The following AKAP9 variants were observed in gnomAD, a reference collection of about 807,000 sequenced individuals.
AKAP9 encodes the protein A-kinase anchoring protein 9.
A neutral mutation model predicts 488.5 loss-of-function variants in AKAP9; 311 were observed. The ratio of observed to expected loss-of-function variants is 0.64; its 90% CI spans 0.58 to 0.70. The LOEUF is 0.70. Among genes scored for constraint, AKAP9 ranks in the 30% least tolerant of loss-of-function variants. The pLI is 0.00. For synonymous variants in AKAP9, 1,462 were observed against 1,483.5 expected (o/e 0.99, Z 0.33); for missense variants, 4,215 against 4,374.5 (o/e 0.96, Z 1.03).
At chr7:92,013,886 A>G (rs1411305932) in intron 9 of AKAP9, among the ~76,000 whole-genome samples, 1 of 151,900 alleles carries the variant, frequency 6.6e-6, no homozygotes, top group Non-Finnish European at 1.5e-5. Flanking sequence ...TTTAAAAAAA[A>G]AAACAAAGTA....
At chr7:92,017,657 A>G (rs543694991) in intron 12 of AKAP9, among the ~76,000 whole-genome samples, 3 of 152,282 alleles carry the variant, frequency 2.0e-5, no homozygotes, top group African/African-American at 7.2e-5. Context: ...GTCTGTGTCT[A>G]TTTATTTGGG....
At chr7:92,006,480 C>G (rs1562968280) in intron 8 of AKAP9, among the ~76,000 whole-genome samples, 1 of 152,080 alleles carries the variant, frequency 6.6e-6, no homozygotes, top group Non-Finnish European at 1.5e-5. Context: ...TAAAGAGATA[C>G]TAAAAAGATA....
chr7:91,992,053 C>A, intron 3 of AKAP9, 105 bp from the exon 4 acceptor site: 1 of 934,112 alleles, frequency 1.1e-6, no homozygotes, highest in Non-Finnish European at 1.7e-6. Context: ...ATGCATTTTC[C>A]CTAGGAATAA....
intron 9 of AKAP9, among the ~76,000 whole-genome samples, chr7:92,014,009 A>AT (rs944391786): frequency 4.4e-4 from 67 of 152,144 alleles, no homozygotes; most frequent in Non-Finnish European, 8.2e-4. Flanking sequence ...TATATGATGC[A>AT]TTTTTTTGTG....
chr7:92,057,398 A>T (rs1808973473), intron 22 of AKAP9, among the ~76,000 whole-genome samples: 1 of 152,116 alleles, frequency 6.6e-6, no homozygotes, highest in Non-Finnish European at 1.5e-5. Flanking sequence ...TCTTACAAAC[A>T]TTATAAACTT....
intron 14 of AKAP9, among the ~76,000 whole-genome samples, chr7:92,027,485 G>C (rs1409822940): frequency 3.5e-5 from 5 of 142,026 alleles, no homozygotes; most frequent in African/African-American, 5.3e-5. Flanking sequence ...CGTCTGGGAG[G>C]TGAGGAGCCC....
chr7:92,075,111 G>A (rs779325417), intron 28 of AKAP9, among the ~76,000 whole-genome samples: 22 of 151,730 alleles, frequency 1.4e-4, no homozygotes, highest in Non-Finnish European at 2.6e-4. Flanking sequence ...TAAAACACAA[G>A]TGTGGGGTGT....
At position 92,016,253 on chromosome 7, in the gene AKAP9, G is replaced by A; in HGVS notation, c.3737G>A (p.Arg1246Lys). 1 of 1,546,868 alleles carries A rather than the reference G, an allele frequency of 6.5e-7. No homozygotes were observed. Among genetic ancestry groups the A allele is most frequent in the Non-Finnish European group, 8.9e-7 (1 of 1,122,642 alleles). ...GAAGATCCAGAATTACAAGATTATA[G>A]ATATGAAGTTCAAGGTAATAAAAGC... ...ENEDPELQDY[R>K]YEVQDFQENM... Residue 1246 changes from arginine (R) to lysine (K), a missense_variant, in exon 11 of 50, where the codon AGA becomes AAA. Coordinates refer to ENST00000356239, the MANE Select transcript of AKAP9 (RefSeq NM_005751.5).
intron 1 of AKAP9, among the ~76,000 whole-genome samples, chr7:91,957,714 A>T (rs1370135894): frequency 6.6e-6 from 1 of 152,178 alleles, no homozygotes; most frequent in Non-Finnish European, 1.5e-5. Context: ...TCCTCCTGTA[A>T]CTAAAGTTGC....
intron 1 of AKAP9, among the ~76,000 whole-genome samples, chr7:91,952,080 A>T (rs1254496237): frequency 2.0e-5 from 3 of 151,398 alleles, no homozygotes; most frequent in Non-Finnish European, 4.4e-5. Context: ...TTAATCCTCT[A>T]CTCCATTCTT....
intron 3 of AKAP9, among the ~76,000 whole-genome samples, chr7:91,991,160 C>A (rs1049802524): frequency 2.0e-5 from 3 of 152,172 alleles, no homozygotes; most frequent in African/African-American, 7.2e-5. Flanking sequence ...TCATAAACAT[C>A]CATTTCGTTA....
Position 92,079,341 on chromosome 7 carries a change from A to G in AKAP9, c.7208A>G (p.Glu2403Gly), listed in dbSNP as rs150102469. Residue 2403 changes from glutamate to glycine, a missense_variant, in exon 31 of 50, where the codon GAA becomes GGA. By Grantham distance (98) the Glu-to-Gly change is moderately conservative. Transcript: ENST00000356239. ...AAGCTGGCCTTGGAACAGCAAGTAGAAACCGCTAATGAAGAAATGACCTTC... is the reference window on the plus strand; with the variant it reads ...AAGCTGGCCTTGGAACAGCAAGTAGGAACCGCTAATGAAGAAATGACCTTC... ...AEKLALEQQV[E>G]TANEEMTFMK... The G allele has an allele frequency of 4.2e-5, 68 of 1,613,934 alleles. No homozygotes were observed. In the African/African-American group the frequency reaches 8.0e-4, roughly 19 times the overall value.
rs548773188 is a variant in AKAP9, at chr7:92,107,782, C to T, written c.11546+360C>T. On this transcript the variant is annotated intron_variant, in intron 48 of 49. Transcript: ENST00000356239. Reference sequence around the variant, plus strand: ...AGGAGAATGGTGTGAACCCGGGAGGCGGAGCTGGCAGTGAGCTGAGATTGT... The same window carrying T: ...AGGAGAATGGTGTGAACCCGGGAGGTGGAGCTGGCAGTGAGCTGAGATTGT... The T allele has an allele frequency of 3.1e-4, 66 of 210,868 alleles. No homozygotes were observed. In the South Asian group the frequency reaches 4.2e-3, roughly 13 times the overall value. The allele number at this position is 210,868 out of a possible 1,614,324, so 13.1% of individuals were successfully genotyped here. A position where few individuals can be genotyped will look rare whatever the true frequency, so the allele number is the denominator to read the frequency against.
At chr7:91,955,791 G>T (rs1205291477) in intron 1 of AKAP9, among the ~76,000 whole-genome samples, 1 of 152,046 alleles carries the variant, frequency 6.6e-6, no homozygotes. Context: ...CTGCCACCAT[G>T]CCCGGCTAAT....
intron 28 of AKAP9, 62 bp from the exon 29 acceptor site, chr7:92,076,793 A>C: frequency 9.5e-7 from 1 of 1,055,846 alleles, no homozygotes; most frequent in Non-Finnish European, 1.4e-6. Flanking sequence ...AGCACTCTTC[A>C]TTTTATCTTG....
rs74922109 is a variant in AKAP9 at position 92,082,363 on chromosome 7, A to T, written c.8020-159A>T. Among the ~76,000 whole-genome samples, 36 of 152,346 alleles carry T rather than the reference A, an allele frequency of 2.4e-4. 1 individual carries two copies. The East Asian group carries it at 6.7e-3, about 29-fold the overall frequency. On this transcript the variant is annotated intron_variant, in intron 31 of 49. Transcript: ENST00000356239. ...CAAGAATATAAGATGATGGTTCTGA[A>T]AAAGCTTCTCTGTTTTTGGAAAGAG...
chr7:92,098,597 C>T (rs1817035585), intron 43 of AKAP9, among the ~76,000 whole-genome samples: 1 of 152,144 alleles, frequency 6.6e-6, no homozygotes, highest in African/African-American at 2.4e-5. Context: ...GCATTTGATA[C>T]TTTTGACCTG....
intron 11 of AKAP9, among the ~76,000 whole-genome samples, chr7:92,016,600 T>A (rs1801539397): frequency 6.6e-6 from 1 of 152,016 alleles, no homozygotes; most frequent in Non-Finnish European, 1.5e-5. Flanking sequence ...TAAGTTCATA[T>A]CAATGGTTTT....
rs778235746 is a variant in AKAP9, at chr7:92,083,183, A to G, written c.8174A>G (p.Asn2725Ser). 6.8e-6 allele frequency: 11 copies of G among 1,613,900 alleles called. No individual in the cohort carries two copies. The highest frequency in any genetic ancestry group is 9.3e-6 in the Non-Finnish European group (11 of 1,179,972). Residue 2725 changes from asparagine to serine, a missense_variant, in exon 33 of 50, where the codon AAT becomes AGT. Around this residue, in one of 5 missense-constraint regions of AKAP9, gnomAD observed 1,476 missense variants for 1,477.4 expected, o/e 1.00. Transcript: ENST00000356239. ...LQEELLVKET[N>S]MTSLQKDLSQ... is the part of the protein sequence containing the mutation. The stretch of plus-strand genomic sequence containing the variant: ...ATTACGTTTTAGGTAAAAGAAACAA[A>G]TATGACATCTCTTCAGAAAGACTTA...
Sources: allele counts gnomAD v4.1 joint callset (sites outside exome capture counted in the v4.1 genomes callset), GRCh38; gene constraint gnomAD v4.1.1; regional missense constraint gnomAD v4.1.1; transcripts MANE v1.5; gene names NCBI Gene and HGNC (gene_info 2026-07-23, HGNC 2026-07-21).